The following CNTNAP5 variants were observed in gnomAD, a reference collection of about 807,000 sequenced individuals.
CNTNAP5 encodes contactin-associated protein-like 5.
CNTNAP5 carries 72 observed loss-of-function variants against 150.2 expected under a neutral mutation model. The observed-to-expected ratio is 0.48, with a 90% CI of 0.40 to 0.58. The LOEUF (loss-of-function observed/expected upper bound fraction) is 0.58, where lower values mean the gene tolerates loss of function less well. Ranked by LOEUF, CNTNAP5 falls within the 20% of genes least tolerant of loss-of-function variation. CNTNAP5 has a pLI of 0.00. For synonymous variants in CNTNAP5, 672 were observed against 619.8 expected (o/e 1.08, Z -1.25); for missense variants, 1,636 against 1,626.2 (o/e 1.01, Z -0.10).
chr2:124,677,203 C>T (rs145694710), intron 13 of CNTNAP5, among the ~76,000 whole-genome samples: 4,401 of 152,246 alleles, frequency 0.029, 65 homozygotes, highest in Middle Eastern at 0.044. Flanking sequence ...AAGCTGCAGA[C>T]CTTCACAGTG....
chr2:124,666,232 G>C (rs1008288690), intron 13 of CNTNAP5, among the ~76,000 whole-genome samples: 1 of 152,152 alleles, frequency 6.6e-6, no homozygotes, highest in South Asian at 2.1e-4. Context: ...GGGGCATCTT[G>C]AGTCAGGGGC....
intron 3 of CNTNAP5, 84 bp from the exon 4 acceptor site, chr2:124,417,359 C>G: frequency 7.1e-6 from 10 of 1,412,072 alleles, no homozygotes; most frequent in East Asian, 2.3e-5. Flanking sequence ...GTTCTCAGTA[C>G]GAGTTCGTGG....
At chr2:124,381,856 C>T (rs1229109266) in intron 3 of CNTNAP5, among the ~76,000 whole-genome samples, 2 of 151,914 alleles carry the variant, frequency 1.3e-5, no homozygotes, top group Admixed American at 6.6e-5. Context: ...GGACACACGA[C>T]AGAGCCCTGG....
Position 124,601,692 on chromosome 2 carries a change from GA to G in CNTNAP5, c.1757-8102del, listed in dbSNP as rs35333330. On this transcript the variant is annotated intron_variant, in intron 11 of 23. Transcript: ENST00000682447. ...CTATTAGAGAAAATAATATTCAAAGGAAAAAAACCAATCTTCTATAATTTTA... is the reference window on the plus strand; with the variant it reads ...CTATTAGAGAAAATAATATTCAAAGGAAAAAACCAATCTTCTATAATTTTA... 1.6e-4 allele frequency among the ~76,000 whole-genome samples: 24 copies of G among 151,894 alleles called. No individual in the cohort carries two copies. The East Asian group carries it at 4.3e-3, about 27-fold the overall frequency.
chr2:124,312,812 C>A (rs896723388), intron 3 of CNTNAP5, among the ~76,000 whole-genome samples: 1 of 152,124 alleles, frequency 6.6e-6, no homozygotes, highest in Non-Finnish European at 1.5e-5. Context: ...CCTCGTGATC[C>A]ACCCACCTCG....
intron 13 of CNTNAP5, among the ~76,000 whole-genome samples, chr2:124,721,406 C>T (rs577027573): frequency 4.0e-5 from 6 of 151,860 alleles, no homozygotes; most frequent in East Asian, 3.9e-4. Flanking sequence ...TGCTTGAACC[C>T]GGACGGCGGA....
intron 7 of CNTNAP5, among the ~76,000 whole-genome samples, chr2:124,494,735 G>A (rs753647953): frequency 8.5e-5 from 13 of 152,204 alleles, no homozygotes; most frequent in Non-Finnish European, 1.2e-4. Context: ...CATTTGAAAA[G>A]TAGTAGTCAT....
intron 1 of CNTNAP5, among the ~76,000 whole-genome samples, chr2:124,178,093 C>T (rs578163663): frequency 5.3e-5 from 8 of 152,080 alleles, no homozygotes; most frequent in African/African-American, 1.7e-4. Context: ...GTGATCCACC[C>T]GCCTCGGCCT....
intron 8 of CNTNAP5, among the ~76,000 whole-genome samples, chr2:124,504,862 A>G (rs369217194): frequency 3.3e-5 from 5 of 151,932 alleles, no homozygotes; most frequent in African/African-American, 1.2e-4. Context: ...GCACACCACC[A>G]CATCCAGCTA....
At chr2:124,041,145 C>T (rs1681361365) in intron 1 of CNTNAP5, among the ~76,000 whole-genome samples, 1 of 152,154 alleles carries the variant, frequency 6.6e-6, no homozygotes, top group Non-Finnish European at 1.5e-5. Flanking sequence ...AACATCTGAG[C>T]AACTGAAACA....
At chr2:124,888,693 A>C (rs1678130599) in intron 21 of CNTNAP5, among the ~76,000 whole-genome samples, 1 of 152,002 alleles carries the variant, frequency 6.6e-6, no homozygotes, top group African/African-American at 2.4e-5. Flanking sequence ...TCTCTCTAAC[A>C]ATTAGTGATG....
At chr2:124,074,794 T>G (rs1400063394) in intron 1 of CNTNAP5, among the ~76,000 whole-genome samples, 1 of 152,162 alleles carries the variant, frequency 6.6e-6, no homozygotes, top group Non-Finnish European at 1.5e-5. Context: ...CTATTCATCA[T>G]CATCATCATT....
chr2:124,127,423 T>C (rs1683733574), intron 1 of CNTNAP5, among the ~76,000 whole-genome samples: 1 of 152,106 alleles, frequency 6.6e-6, no homozygotes, highest in Non-Finnish European at 1.5e-5. Context: ...CACAAACAAA[T>C]GGAAGAACAT....
intron 8 of CNTNAP5, among the ~76,000 whole-genome samples, chr2:124,514,733 G>T (rs1694667157): frequency 1.3e-5 from 2 of 152,142 alleles, no homozygotes; most frequent in Non-Finnish European, 2.9e-5. Flanking sequence ...TCTTAAGAAT[G>T]AATAGAATTT....
chr2:124,414,379 G>A (rs72966646), intron 3 of CNTNAP5, among the ~76,000 whole-genome samples: 23,588 of 152,040 alleles, frequency 0.16, 1,957 homozygotes, highest in Non-Finnish European at 0.19. Flanking sequence ...CTTTCTAGGT[G>A]ACCTTAAGCT....
At chr2:124,346,425 A>G (rs948082858) in intron 3 of CNTNAP5, among the ~76,000 whole-genome samples, 10 of 152,238 alleles carry the variant, frequency 6.6e-5, no homozygotes, top group African/African-American at 2.4e-4. Context: ...TCAAATGAGT[A>G]AGAACACAAT....
chr2:124,120,560 T>G (rs1056815400), intron 1 of CNTNAP5, among the ~76,000 whole-genome samples: 5 of 152,220 alleles, frequency 3.3e-5, no homozygotes, highest in African/African-American at 1.2e-4. Flanking sequence ...TGTAATCAGC[T>G]AATTTTATAG....
chr2:124,610,274 C>G (rs756046442), intron 12 of CNTNAP5, among the ~76,000 whole-genome samples: 6 of 152,134 alleles, frequency 3.9e-5, no homozygotes, highest in Admixed American at 6.6e-5. Context: ...CAGTGGGAAG[C>G]CCTGACTCAG....
At chr2:124,182,626 G>C (rs1685237644) in intron 1 of CNTNAP5, among the ~76,000 whole-genome samples, 1 of 152,074 alleles carries the variant, frequency 6.6e-6, no homozygotes, top group South Asian at 2.1e-4. Flanking sequence ...GAGACTGTAT[G>C]TTTCTATTTA....
Sources: allele counts gnomAD v4.1 joint callset (sites outside exome capture counted in the v4.1 genomes callset), GRCh38; gene constraint gnomAD v4.1.1; transcripts MANE v1.5; gene names NCBI Gene and HGNC (gene_info 2026-07-23, HGNC 2026-07-21).